Variants in WDHD1 observed in about 807,000 individuals in gnomAD.
The protein encoded by WDHD1 is WD repeat and HMG-box DNA-binding protein 1.
WDHD1 carries 111 observed loss-of-function variants against 135.4 expected under a neutral mutation model. The observed-to-expected ratio is 0.82, with a 90% CI of 0.70 to 0.96. The LOEUF (loss-of-function observed/expected upper bound fraction) is 0.96. WDHD1 is among the 40% of genes least tolerant of loss of function. The probability of loss-of-function intolerance (pLI) is 0.00; values close to 1 mark genes in which losing one functional copy is unlikely to be tolerated. For missense variants in WDHD1, 1,351 were observed against 1,336.3 expected (o/e 1.01, Z -0.17); for synonymous variants, 434 against 439.0 (o/e 0.99, Z 0.14).
At chr14:54,986,733 C>G (rs1235505194) in intron 14 of WDHD1, among the ~76,000 whole-genome samples, 3 of 151,994 alleles carry the variant, frequency 2.0e-5, no homozygotes, top group Non-Finnish European at 4.4e-5. Context: ...CTTGATAAGA[C>G]CAGTCTTAGC....
intron 21 of WDHD1, 70 bp downstream of exon 21, chr14:54,962,428 C>T (rs917410822): frequency 5.0e-6 from 6 of 1,191,608 alleles, no homozygotes; most frequent in South Asian, 2.5e-5. Context: ...GGTGTATTTG[C>T]GTAGATGTGT....
chr14:54,951,444 C>T (rs970883425), intron 24 of WDHD1, among the ~76,000 whole-genome samples: 1 of 152,178 alleles, frequency 6.6e-6, no homozygotes, highest in African/African-American at 2.4e-5. Context: ...CAAGACTAAA[C>T]GAGGAAGAAG....
chr14:54,966,846 T>C (rs2041354409), intron 17 of WDHD1, among the ~76,000 whole-genome samples: 1 of 152,346 alleles, frequency 6.6e-6, no homozygotes, highest in African/African-American at 2.4e-5. Context: ...CTATCATAAT[T>C]AATGCTCAGA....
intron 7 of WDHD1, among the ~76,000 whole-genome samples, chr14:55,006,328 T>C (rs1356154706): frequency 6.6e-6 from 1 of 152,226 alleles, no homozygotes; most frequent in Non-Finnish European, 1.5e-5. Context: ...TATATAGATC[T>C]TTCACATTTC....
At chr14:55,002,905 C>T (rs1184661126) in intron 7 of WDHD1, among the ~76,000 whole-genome samples, 1 of 152,056 alleles carries the variant, frequency 6.6e-6, no homozygotes, top group African/African-American at 2.4e-5. Context: ...AATACTACTT[C>T]TTAAGGAATC....
chr14:54,987,114 C>A, intron 14 of WDHD1, 32 bp downstream of exon 14: 1 of 1,603,454 alleles, frequency 6.2e-7, no homozygotes. Flanking sequence ...TTCCATTTTA[C>A]TTCAAGTCAT....
intron 24 of WDHD1, among the ~76,000 whole-genome samples, chr14:54,953,912 A>G (rs1276423740): frequency 6.6e-6 from 1 of 152,136 alleles, no homozygotes; most frequent in Non-Finnish European, 1.5e-5. Flanking sequence ...CATAGGTGAG[A>G]ACTGAACAAT....
At chr14:54,982,064 T>C (rs1471030553) in intron 15 of WDHD1, among the ~76,000 whole-genome samples, 1 of 151,972 alleles carries the variant, frequency 6.6e-6, no homozygotes, top group Non-Finnish European at 1.5e-5. Flanking sequence ...TGGAGGGCAG[T>C]GGCGCGATCT....
intron 16 of WDHD1, among the ~76,000 whole-genome samples, chr14:54,973,532 GT>G (rs1245228088): frequency 6.6e-6 from 1 of 151,858 alleles, no homozygotes; most frequent in Non-Finnish European, 1.5e-5. Context: ...AAAAAATCTA[GT>G]TTTCACCACA....
intron 8 of WDHD1, among the ~76,000 whole-genome samples, chr14:55,001,395 G>C (rs2041978589): frequency 6.6e-6 from 1 of 152,114 alleles, no homozygotes; most frequent in African/African-American, 2.4e-5. Flanking sequence ...CAGGTAGCTA[G>C]GGCTACAGGC....
At chr14:54,947,300 T>G (rs1432211705) in intron 24 of WDHD1, among the ~76,000 whole-genome samples, 1 of 152,164 alleles carries the variant, frequency 6.6e-6, no homozygotes, top group East Asian at 1.9e-4. Flanking sequence ...ATTGTGCCAT[T>G]GCATTGCAGT....
In WDHD1 at chr14:54,951,293, C is replaced by T. The variant is rs556827692; in HGVS notation, c.3050+4268G>A. 1.9e-4 allele frequency among the ~76,000 whole-genome samples: 29 copies of T among 151,604 alleles called. 1 individual carries two copies. In the East Asian group the frequency reaches 5.2e-3, roughly 27 times the overall value. ...AAAAGAGAGAAGAATCAAATAGATG[C>T]AATAAAAAATGATAAAGGGGATATC... On this transcript the variant is annotated intron_variant, in intron 24 of 25. Transcript: ENST00000360586.
intron 2 of WDHD1, among the ~76,000 whole-genome samples, chr14:55,021,580 CTCA>C (rs1468888119): frequency 1.3e-5 from 2 of 152,116 alleles, no homozygotes; most frequent in African/African-American, 4.8e-5. Flanking sequence ...AGACCGGGGT[CTCA>C]TCATGTTGGC....
At chr14:55,024,578 G>A (rs890312207) in intron 2 of WDHD1, among the ~76,000 whole-genome samples, 1 of 152,070 alleles carries the variant, frequency 6.6e-6, no homozygotes, top group African/African-American at 2.4e-5. Context: ...AGATCAGATT[G>A]TTACTGTGTC....
intron 18 of WDHD1, among the ~76,000 whole-genome samples, chr14:54,964,262 A>G (rs1049821447): frequency 3.9e-5 from 6 of 152,176 alleles, no homozygotes; most frequent in Admixed American, 1.3e-4. Context: ...ATTCACCTGG[A>G]TGCCCTTTTC....
intron 16 of WDHD1, among the ~76,000 whole-genome samples, chr14:54,972,634 C>G (rs1341582694): frequency 7.7e-6 from 1 of 130,012 alleles, no homozygotes; most frequent in East Asian, 2.6e-4. Flanking sequence ...TTTGGGAATT[C>G]TTAGTACTGT....
chr14:54,972,759 G>A (rs1161537131), intron 16 of WDHD1, among the ~76,000 whole-genome samples: 1 of 151,948 alleles, frequency 6.6e-6, no homozygotes, highest in East Asian at 1.9e-4. Context: ...AGACCAGCCT[G>A]GGCAACATAG....
intron 21 of WDHD1, among the ~76,000 whole-genome samples, chr14:54,959,655 C>A (rs545043837): frequency 6.6e-6 from 1 of 152,202 alleles, no homozygotes; most frequent in African/African-American, 2.4e-5. Flanking sequence ...GTAGTCATAG[C>A]TACTCAGTAG....
At chr14:54,958,514 C>T (rs551697559) in intron 21 of WDHD1, among the ~76,000 whole-genome samples, 9 of 152,324 alleles carry the variant, frequency 5.9e-5, no homozygotes, top group African/African-American at 1.9e-4. Flanking sequence ...GCACTTCCAG[C>T]TCTACCACCC....
Sources: gnomAD v4.1 joint callset for allele counts (sites outside exome capture counted in the v4.1 genomes callset) on GRCh38, gnomAD v4.1.1 for gene constraint, MANE v1.5 for transcripts, NCBI Gene and HGNC (gene_info 2026-07-23, HGNC 2026-07-21) for gene names.